Variants in FAM20B observed in about 807,000 individuals in gnomAD.
The protein encoded by FAM20B is FAM20B glycosaminoglycan xylosylkinase, also known as glycosaminoglycan xylosylkinase.
FAM20B carries 23 observed loss-of-function variants against 43.8 expected under a neutral mutation model. The observed-to-expected ratio is 0.53, with a 90% CI of 0.38 to 0.74. FAM20B has a LOEUF of 0.74. Among genes scored for constraint, FAM20B ranks in the 30% least tolerant of loss-of-function variants. The pLI is 0.00. For missense variants in FAM20B, 440 were observed against 510.5 expected, an observed-to-expected ratio of 0.86 and a Z score of 1.33; for synonymous variants, 178 against 192.4, an observed-to-expected ratio of 0.93 and a Z score of 0.62.
intron 7 of FAM20B, among the ~76,000 whole-genome samples, chr1:179,070,881 A>G (rs1651893363): frequency 6.6e-6 from 1 of 151,966 alleles, no homozygotes; most frequent in African/African-American, 2.4e-5. Flanking sequence ...TCATGGCCTA[A>G]CGACCTCTTA....
At chr1:179,028,417 A>G (rs1279108569) in intron 1 of FAM20B, among the ~76,000 whole-genome samples, 1 of 152,226 alleles carries the variant, frequency 6.6e-6, no homozygotes, top group Non-Finnish European at 1.5e-5. Flanking sequence ...CCCCGTCTCT[A>G]CTAAAAATAC....
intron 1 of FAM20B, among the ~76,000 whole-genome samples, chr1:179,027,453 C>T (rs1649835010): frequency 6.6e-6 from 1 of 152,212 alleles, no homozygotes; most frequent in Admixed American, 6.5e-5. Flanking sequence ...TGCCCAGACT[C>T]ATAGCCAATC....
rs1235993475 is a variant in FAM20B at position 179,064,101 on chromosome 1, A to G, written c.746+3A>G. The G allele has an allele frequency of 6.2e-7, 1 of 1,607,108 alleles. No individual in the cohort carries two copies. The highest frequency in any genetic ancestry group is 8.5e-7 in the Non-Finnish European group (1 of 1,176,596). On this transcript the variant is annotated splice_donor_region_variant and intron_variant, in intron 5 of 7. Coordinates refer to ENST00000263733, the MANE Select transcript of FAM20B (RefSeq NM_014864.4). ...TACCGAGAAGGCAAATTGGCCAGGTAAATGCTCCTATGAGCCATTACTTAA... is the reference window on the plus strand; with the variant it reads ...TACCGAGAAGGCAAATTGGCCAGGTGAATGCTCCTATGAGCCATTACTTAA...
chr1:179,038,442 G>A (rs146872392), intron 1 of FAM20B, among the ~76,000 whole-genome samples: 47 of 152,094 alleles, frequency 3.1e-4, no homozygotes, highest in African/African-American at 1.0e-3. Context: ...AAGTTTATGG[G>A]TTAACCAGAC....
At chr1:179,037,738 C>T (rs1303895905) in intron 1 of FAM20B, among the ~76,000 whole-genome samples, 2 of 152,036 alleles carry the variant, frequency 1.3e-5, no homozygotes, top group Admixed American at 6.5e-5. Context: ...CTGCCTGCCT[C>T]GGCCTCCCAA....
chr1:179,064,430 A>G lies in FAM20B; in HGVS notation c.872A>G (p.His291Arg). Residue 291 changes from histidine (H) to arginine (R), a missense_variant, in exon 6 of 8, where the codon CAT (histidine) becomes CGT (arginine). Coordinates refer to ENST00000263733, the MANE Select transcript of FAM20B (RefSeq NM_014864.4). ...TACCTGATTGGCAATGCTGACCGCC[A>G]TCACTATGAGAGCTTTCAAGATGAT... is the stretch of plus-strand genomic sequence containing the variant. ...FDYLIGNADR[H>R]HYESFQDDEG... 3 of 1,614,174 alleles carry G rather than the reference A, an allele frequency of 1.9e-6. No individual in the cohort carries two copies. Among genetic ancestry groups the G allele is most frequent in the Non-Finnish European group, 2.5e-6 (3 of 1,180,036 alleles).
In FAM20B at chr1:179,072,229, A is replaced by C. The variant is rs1651955376; in HGVS notation, c.*85A>C. ...TTCCAAATGGTATGAGATGGATTGG[A>C]AGTGGCCAGCAGCAAGTTCTGGTGA... On this transcript the variant is annotated 3_prime_UTR_variant, in exon 8 of 8. Transcript: ENST00000263733. 1 of 1,120,952 alleles carries C rather than the reference A, an allele frequency of 8.9e-7. No individual in the cohort carries two copies. Among genetic ancestry groups the C allele is most frequent in the Non-Finnish European group, 1.3e-6 (1 of 776,864 alleles). The allele number at this position is 1,120,952 out of a possible 1,614,324, so 69.4% of individuals were successfully genotyped here. A position where few individuals can be genotyped will look rare whatever the true frequency, so the allele number is the denominator to read the frequency against.
At chr1:179,060,878 A>T (rs1444460690) in intron 4 of FAM20B, among the ~76,000 whole-genome samples, 2 of 152,186 alleles carry the variant, frequency 1.3e-5, no homozygotes, top group African/African-American at 4.8e-5. Context: ...CTTCACCAAC[A>T]ATATGTTATT....
intron 1 of FAM20B, among the ~76,000 whole-genome samples, chr1:179,028,714 G>A (rs1649891956): frequency 6.6e-6 from 1 of 152,212 alleles, no homozygotes; most frequent in African/African-American, 2.4e-5. Flanking sequence ...AGGCCCTACA[G>A]TTTGTTGTAA....
chr1:179,057,744 A>G (rs933338225), intron 4 of FAM20B, among the ~76,000 whole-genome samples: 2 of 150,600 alleles, frequency 1.3e-5, no homozygotes, highest in African/African-American at 2.4e-5. Context: ...GGTGCTGAAT[A>G]TGCAAAACTG....
intron 2 of FAM20B, among the ~76,000 whole-genome samples, chr1:179,047,185 A>T (rs1650808605): frequency 6.6e-6 from 1 of 152,144 alleles, no homozygotes; most frequent in South Asian, 2.1e-4. Flanking sequence ...CAGACTGATG[A>T]GTAGGGGAGG....
Position 179,072,365 on chromosome 1 carries a change from C to G in FAM20B, c.*221C>G. 1 of 548,494 alleles carries G rather than the reference C, an allele frequency of 1.8e-6. No homozygotes were observed. Among genetic ancestry groups the G allele is most frequent in the East Asian group, 3.1e-5 (1 of 32,168 alleles). The allele number at this position is 548,494 out of a possible 1,614,324, so 34.0% of individuals were successfully genotyped here. A position where few individuals can be genotyped will look rare whatever the true frequency, so the allele number is the denominator to read the frequency against. On this transcript the variant is annotated 3_prime_UTR_variant, in exon 8 of 8. Coordinates refer to ENST00000263733, the MANE Select transcript of FAM20B (RefSeq NM_014864.4). Reference sequence around the variant, plus strand: ...TCCTGCTGAATCGCCTTCTCACCTCCTCGGCAATTGCTCATTCTAGGGTTG... The same window carrying G: ...TCCTGCTGAATCGCCTTCTCACCTCGTCGGCAATTGCTCATTCTAGGGTTG...
chr1:179,034,030 G>T (rs929805145), intron 1 of FAM20B, among the ~76,000 whole-genome samples: 1 of 152,102 alleles, frequency 6.6e-6, no homozygotes, highest in Non-Finnish European at 1.5e-5. Flanking sequence ...CTGGTCTCAC[G>T]TGTTCCTGCT....
At chr1:179,068,742 A>G (rs1041038958) in intron 7 of FAM20B, among the ~76,000 whole-genome samples, 1 of 152,208 alleles carries the variant, frequency 6.6e-6, no homozygotes, top group Non-Finnish European at 1.5e-5. Context: ...CCCAATATAA[A>G]GAATTATTAA....
At chr1:179,040,957 C>T (rs1285853667) in intron 1 of FAM20B, among the ~76,000 whole-genome samples, 1 of 148,678 alleles carries the variant, frequency 6.7e-6, no homozygotes, top group African/African-American at 2.5e-5. Context: ...CGGGCAGAGG[C>T]GCTCCTCACA....
intron 4 of FAM20B, among the ~76,000 whole-genome samples, chr1:179,061,693 G>A (rs1161026802): frequency 6.6e-6 from 1 of 152,166 alleles, no homozygotes. Flanking sequence ...ACAGATGTGA[G>A]CCACAGTTCC....
intron 2 of FAM20B, among the ~76,000 whole-genome samples, chr1:179,047,599 T>C (rs567159118): frequency 3.9e-5 from 6 of 152,338 alleles, no homozygotes; most frequent in Non-Finnish European, 5.9e-5. Context: ...GCCCCTGCCA[T>C]AGGTGCTAAC....
intron 1 of FAM20B, among the ~76,000 whole-genome samples, chr1:179,034,546 T>C (rs1040728199): frequency 6.6e-6 from 1 of 152,232 alleles, no homozygotes; most frequent in Non-Finnish European, 1.5e-5. Flanking sequence ...TGACTCCACC[T>C]CTTGATAGGA....
At chr1:179,044,796 C>T (rs1016087563) in intron 2 of FAM20B, among the ~76,000 whole-genome samples, 1 of 152,216 alleles carries the variant, frequency 6.6e-6, no homozygotes, top group African/African-American at 2.4e-5. Flanking sequence ...CATAAATTTT[C>T]AACTCATTTG....
Sources: allele counts gnomAD v4.1 joint callset (sites outside exome capture counted in the v4.1 genomes callset), GRCh38; gene constraint gnomAD v4.1.1; transcripts MANE v1.5; gene names NCBI Gene and HGNC (gene_info 2026-07-23, HGNC 2026-07-21).